The following TNPO3 variants were observed in gnomAD, a reference collection of about 807,000 sequenced individuals.
TNPO3 encodes transportin-3.
TNPO3 carries 65 observed loss-of-function variants against 122.8 expected under a neutral mutation model. The observed-to-expected ratio is 0.53, with a 90% CI of 0.43 to 0.65. The LOEUF is 0.65. TNPO3 is among the 30% of genes least tolerant of loss of function. The probability of loss-of-function intolerance (pLI) is 0.00; values close to 1 mark genes in which losing one functional copy is unlikely to be tolerated. For missense variants in TNPO3, 850 were observed against 1,136.7 expected (o/e 0.75, Z 3.63); for synonymous variants, 372 against 411.2 (o/e 0.90, Z 1.15).
chr7:128,983,790 T>C (rs1214659023), intron 13 of TNPO3, among the ~76,000 whole-genome samples: 1 of 152,194 alleles, frequency 6.6e-6, no homozygotes, highest in Non-Finnish European at 1.5e-5. Flanking sequence ...TTTTGATTTA[T>C]GTATTTGCCT....
intron 1 of TNPO3, among the ~76,000 whole-genome samples, chr7:129,034,140 T>C (rs1462905765): frequency 6.6e-6 from 1 of 152,242 alleles, no homozygotes. Context: ...AAGGACATTA[T>C]ACTAAGTGAA....
rs750484523 is a variant in TNPO3, at chr7:129,011,217, ATGAC to A, written c.552+3758_552+3761del. Among the ~76,000 whole-genome samples, 11 of 152,352 alleles carry A rather than the reference ATGAC, an allele frequency of 7.2e-5. No individual in the cohort carries two copies. The South Asian group carries it at 1.7e-3, about 23-fold the overall frequency. On this transcript the variant is annotated intron_variant, in intron 4 of 22. Coordinates refer to ENST00000265388, the MANE Select transcript of TNPO3 (RefSeq NM_012470.4). ...CATAAAGGTAAGATAATTCTATAAA[ATGAC>A]TGGTACAATCTCTTCAACAAGTCAT...
chr7:128,999,218 C>T (rs561800913), intron 7 of TNPO3, among the ~76,000 whole-genome samples: 1 of 152,296 alleles, frequency 6.6e-6, no homozygotes, highest in East Asian at 1.9e-4. Context: ...TAGAACATTT[C>T]TTACTTGGCA....
At chr7:129,000,874 C>A (rs560804939) in intron 6 of TNPO3, among the ~76,000 whole-genome samples, 185 bp downstream of exon 6, 10 of 152,328 alleles carry the variant, frequency 6.6e-5, no homozygotes, top group Non-Finnish European at 1.3e-4. Flanking sequence ...GGTAATTCTA[C>A]AAACCCTGCA....
chr7:129,025,851 C>T (rs1464535042), intron 1 of TNPO3, among the ~76,000 whole-genome samples: 4 of 150,862 alleles, frequency 2.7e-5, no homozygotes, highest in Non-Finnish European at 4.4e-5. Flanking sequence ...GTAGGCTGGG[C>T]GGAGTGGCTC....
At position 129,054,177 on chromosome 7, in the gene TNPO3, T is replaced by A. The variant is rs566279779; in HGVS notation, c.120+474A>T. 5.3e-5 allele frequency among the ~76,000 whole-genome samples: 8 copies of A among 152,178 alleles called. No individual in the cohort carries two copies. In the East Asian group the frequency reaches 5.8e-4, roughly 11 times the overall value. Reference sequence around the variant, plus strand: ...CTGAGAAGTTTCGAGAAGAACAGACTCAAACTGGAGTGAAAATAGGCAAAA... The same window carrying A: ...CTGAGAAGTTTCGAGAAGAACAGACACAAACTGGAGTGAAAATAGGCAAAA... On this transcript the variant is annotated intron_variant, in intron 1 of 22. Transcript: ENST00000265388.
chr7:128,992,845 T>C (rs189467351), intron 9 of TNPO3, among the ~76,000 whole-genome samples: 1 of 152,260 alleles, frequency 6.6e-6, no homozygotes, highest in African/African-American at 2.4e-5. Context: ...CCACAGACTA[T>C]ATCTTGAACA....
intron 1 of TNPO3, among the ~76,000 whole-genome samples, chr7:129,032,269 G>C (rs1342320697): frequency 1.3e-5 from 2 of 152,124 alleles, no homozygotes; most frequent in Non-Finnish European, 2.9e-5. Flanking sequence ...AAGACAAAAA[G>C]CTTTTCAAAA....
At chr7:128,980,785 C>A (rs925961191) in intron 14 of TNPO3, among the ~76,000 whole-genome samples, 1 of 152,168 alleles carries the variant, frequency 6.6e-6, no homozygotes, top group Non-Finnish European at 1.5e-5. Flanking sequence ...AAAAAATATA[C>A]ACAGGTTGTC....
rs1801832270 is a variant in TNPO3 at position 129,000,583 on chromosome 7, GA to G, written c.873-17del. On this transcript the variant is annotated splice_polypyrimidine_tract_variant and intron_variant, in intron 6 of 22. Coordinates refer to ENST00000265388, the MANE Select transcript of TNPO3 (RefSeq NM_012470.4). ...ATTCAGAACTCTGTAGAAGACAGGG[GA>G]ATGAGAACAATGAGTCAGAAATCTG... is the stretch of plus-strand genomic sequence containing the variant. The G allele has an allele frequency of 6.2e-7, 1 of 1,608,098 alleles. No individual in the cohort carries two copies. Among genetic ancestry groups the G allele is most frequent in the Non-Finnish European group, 8.5e-7 (1 of 1,176,928 alleles).
intron 20 of TNPO3, 142 bp downstream of exon 20, chr7:128,970,006 C>A (rs889876045): frequency 1.2e-6 from 1 of 827,430 alleles, no homozygotes; most frequent in Admixed American, 2.4e-5. Context: ...TCTTCATCTA[C>A]CAATCTAATT....
At chr7:129,022,172 G>A (rs1804598589) in intron 1 of TNPO3, among the ~76,000 whole-genome samples, 2 of 152,026 alleles carry the variant, frequency 1.3e-5, no homozygotes, top group Non-Finnish European at 2.9e-5. Flanking sequence ...CTTACTTGAG[G>A]CCAGGAGTTT....
intron 11 of TNPO3, among the ~76,000 whole-genome samples, chr7:128,988,464 T>C (rs140124233): frequency 1.2e-3 from 180 of 152,318 alleles, no homozygotes; most frequent in African/African-American, 4.0e-3. Flanking sequence ...GCAACTCTAA[T>C]AATGTAGACT....
At chr7:129,021,272 T>C (rs916384222) in intron 1 of TNPO3, among the ~76,000 whole-genome samples, 1 of 151,706 alleles carries the variant, frequency 6.6e-6, no homozygotes, top group Non-Finnish European at 1.5e-5. Flanking sequence ...GCAGAATCAC[T>C]TGAACCCGGG....
intron 9 of TNPO3, 58 bp from the exon 10 acceptor site, chr7:128,992,148 A>C: frequency 1.0e-6 from 1 of 968,310 alleles, no homozygotes; most frequent in South Asian, 1.5e-5. Flanking sequence ...TGCCAAAACA[A>C]ACAAAACAAA....
At chr7:128,955,810 A>G (rs1796842952) in intron 22 of TNPO3, among the ~76,000 whole-genome samples, 1 of 152,242 alleles carries the variant, frequency 6.6e-6, no homozygotes, top group Non-Finnish European at 1.5e-5. Context: ...ACCAATTTAG[A>G]TGCTATCGAA....
chr7:128,988,704 C>G (rs1800433318), intron 11 of TNPO3, among the ~76,000 whole-genome samples: 1 of 151,952 alleles, frequency 6.6e-6, no homozygotes, highest in Non-Finnish European at 1.5e-5. Flanking sequence ...AAAAATGGTT[C>G]AGAAAAGAAA....
intron 19 of TNPO3, 125 bp from the exon 20 acceptor site, chr7:128,970,440 G>C (rs1381150927): frequency 9.4e-6 from 6 of 638,340 alleles, no homozygotes; most frequent in Non-Finnish European, 1.5e-5. Flanking sequence ...ACGCGTGGCT[G>C]TGTGTGTGTG....
intron 1 of TNPO3, among the ~76,000 whole-genome samples, chr7:129,022,131 T>A (rs1467838257): frequency 6.6e-6 from 1 of 152,162 alleles, no homozygotes; most frequent in African/African-American, 2.4e-5. Flanking sequence ...ACGCCTGTAA[T>A]CCCAGCATTT....
Sources: allele counts gnomAD v4.1 joint callset (sites outside exome capture counted in the v4.1 genomes callset), GRCh38; gene constraint gnomAD v4.1.1; transcripts MANE v1.5; gene names NCBI Gene and HGNC (gene_info 2026-07-23, HGNC 2026-07-21).